Variants in KRT8 observed in about 807,000 individuals in gnomAD.
KRT8 encodes keratin, type II cytoskeletal 8.
Under a neutral mutation model 43.0 loss-of-function variants are expected in KRT8, and 24 were observed. The observed-to-expected ratio is 0.56, with a 90% CI of 0.40 to 0.78. The LOEUF is 0.78. Among genes scored for constraint, KRT8 ranks in the 30% least tolerant of loss-of-function variants. The pLI is 0.00. For missense variants in KRT8, 492 were observed against 638.4 expected (o/e 0.77, Z 2.47); for synonymous variants, 214 against 261.2 (o/e 0.82, Z 1.74).
intron 1 of KRT8, 99 bp from the exon 2 acceptor site, chr12:52,902,171 A>G: frequency 1.3e-6 from 1 of 766,804 alleles, no homozygotes; most frequent in Non-Finnish European, 2.3e-6. Flanking sequence ...CTCCTCAAGC[A>G]GTAAGGTCTC....
intron 2 of KRT8, among the ~76,000 whole-genome samples, chr12:52,925,804 C>T (rs1453471308): frequency 6.6e-6 from 1 of 152,126 alleles, no homozygotes; most frequent in Non-Finnish European, 1.5e-5. Flanking sequence ...TTGTCTCTTC[C>T]AGCCCTCTAT....
chr12:52,898,906 G>A lies in KRT8; in HGVS notation c.982-7C>T, dbSNP rs1438138731. The A allele has an allele frequency of 6.2e-7, 1 of 1,612,826 alleles. No individual in the cohort carries two copies. On this transcript the variant is annotated splice_region_variant and splice_polypyrimidine_tract_variant and intron_variant, in intron 5 of 7. Transcript: ENST00000692008. ...CGGCCTCCAGGGAAGCCCTCTGTGG[G>A]GTAGGGGACAGGTAAGTAGGTCAGG...
intron 2 of KRT8, among the ~76,000 whole-genome samples, chr12:52,916,212 G>A (rs1941737142): frequency 6.6e-6 from 1 of 152,142 alleles, no homozygotes; most frequent in African/African-American, 2.4e-5. Context: ...GGAAAATTAA[G>A]CTGGCTGGGG....
At chr12:52,948,891 C>T (rs955723570) in intron 2 of KRT8, 36 of 428,614 alleles carry the variant, frequency 8.4e-5, no homozygotes, top group African/African-American at 6.6e-4. Flanking sequence ...GGGCCAACAA[C>T]ACCTGCTGTC....
At chr12:52,917,713 A>AGAAG (rs1555188193) in intron 2 of KRT8, among the ~76,000 whole-genome samples, 1 of 102,040 alleles carries the variant, frequency 9.8e-6, no homozygotes, top group Non-Finnish European at 1.8e-5. Context: ...TGTCTCAAAA[A>AGAAG]AAAAAAAAAA....
At chr12:52,936,729 G>A (rs373595315) in intron 2 of KRT8, among the ~76,000 whole-genome samples, 308 of 152,198 alleles carry the variant, frequency 2.0e-3, no homozygotes, top group Non-Finnish European at 3.5e-3. Context: ...TGGTCAGGCT[G>A]GTCTTGAACT....
chr12:52,901,797 C>T, intron 2 of KRT8, 67 bp downstream of exon 2: 1 of 1,118,810 alleles, frequency 8.9e-7, no homozygotes, highest in Non-Finnish European at 1.4e-6. Flanking sequence ...GGGACTTAGT[C>T]CCAAGGTCCC....
intron 2 of KRT8, among the ~76,000 whole-genome samples, chr12:52,921,404 T>G (rs1357778094): frequency 6.6e-6 from 1 of 152,104 alleles, no homozygotes; most frequent in African/African-American, 2.4e-5. Flanking sequence ...GCTGCAAAAG[T>G]CAAACTCCCT....
At chr12:52,901,431 A>C in intron 2 of KRT8, 1 of 618,494 alleles carries the variant, frequency 1.6e-6, no homozygotes. Flanking sequence ...CTCCAAATCC[A>C]TGAATACACA....
intron 2 of KRT8, among the ~76,000 whole-genome samples, chr12:52,939,031 G>A (rs1942225160): frequency 6.6e-6 from 1 of 151,952 alleles, no homozygotes; most frequent in Non-Finnish European, 1.5e-5. Flanking sequence ...GCTATAGTAA[G>A]CTATGACAGA....
chr12:52,912,517 C>T (rs1397293183), intron 2 of KRT8, among the ~76,000 whole-genome samples: 1 of 152,236 alleles, frequency 6.6e-6, no homozygotes, highest in Non-Finnish European at 1.5e-5. Flanking sequence ...GCCACACTTG[C>T]ATGCCCTAGC....
At chr12:52,901,536 T>C (rs1941369977) in intron 2 of KRT8, 2 of 553,140 alleles carry the variant, frequency 3.6e-6, no homozygotes, top group Admixed American at 6.1e-5. Flanking sequence ...GGGTCAAGAC[T>C]AAAGAGGGGC....
upstream of KRT8, among the ~76,000 whole-genome samples, chr12:52,908,530 T>C (rs1240671005): frequency 1.3e-5 from 2 of 152,224 alleles, no homozygotes; most frequent in Non-Finnish European, 2.9e-5. Flanking sequence ...GAAACCCGTA[T>C]GCTCAGTGAA....
chr12:52,905,155 G>T, upstream of KRT8: 1 of 1,275,518 alleles, frequency 7.8e-7, no homozygotes, highest in Non-Finnish European at 1.0e-6. Context: ...CCCAGAGGGG[G>T]CTGGGCCTAA....
chr12:52,926,151 G>GCCCCCCA (rs1555189068), intron 2 of KRT8, among the ~76,000 whole-genome samples: 1 of 55,250 alleles, frequency 1.8e-5, no homozygotes, highest in Non-Finnish European at 3.8e-5. Context: ...CCTGCCCCCC[G>GCCCCCCA]CCCCCCACCA....
chr12:52,933,015 C>T (rs930795005), intron 2 of KRT8, among the ~76,000 whole-genome samples: 7 of 152,174 alleles, frequency 4.6e-5, no homozygotes, highest in Non-Finnish European at 4.4e-5. Context: ...GCGATCTCAG[C>T]TCACCGCAAC....
At chr12:52,928,066 A>G (rs1445938824) in intron 2 of KRT8, among the ~76,000 whole-genome samples, 1 of 152,186 alleles carries the variant, frequency 6.6e-6, no homozygotes. Flanking sequence ...CTCAAAAACA[A>G]AAACAAAAAC....
intron 2 of KRT8, 171 bp from the exon 3 acceptor site, chr12:52,901,390 T>A: frequency 1.5e-6 from 1 of 672,326 alleles, no homozygotes; most frequent in Middle Eastern, 4.0e-4. Context: ...CCCTCACCCC[T>A]CCCTTAGCCC....
intron 2 of KRT8, among the ~76,000 whole-genome samples, chr12:52,943,194 C>T (rs1339886302): frequency 6.6e-6 from 1 of 152,182 alleles, no homozygotes; most frequent in African/African-American, 2.4e-5. Flanking sequence ...CTCCCGATTT[C>T]TCCTGTCCGT....
Sources: allele counts gnomAD v4.1 joint callset (sites outside exome capture counted in the v4.1 genomes callset), GRCh38; gene constraint gnomAD v4.1.1; transcripts MANE v1.5; gene names NCBI Gene and HGNC (gene_info 2026-07-23, HGNC 2026-07-21).